Variants in FRYL observed in about 807,000 individuals in gnomAD.
The protein encoded by FRYL is FRY like transcription coactivator.
FRYL carries 150 observed loss-of-function variants against 351.2 expected under a neutral mutation model. The observed-to-expected ratio is 0.43, with a 90% CI of 0.37 to 0.49. The LOEUF (loss-of-function observed/expected upper bound fraction) is 0.49. Among genes scored for constraint, FRYL ranks in the 20% least tolerant of loss-of-function variants. The pLI, the probability that FRYL is intolerant of heterozygous loss-of-function variation, is 0.00. For missense variants in FRYL, 3,036 were observed against 3,619.3 expected, an observed-to-expected ratio of 0.84 and a Z score of 4.13; for synonymous variants, 1,153 against 1,257.1, an observed-to-expected ratio of 0.92 and a Z score of 1.75.
intron 1 of FRYL, among the ~76,000 whole-genome samples, chr4:48,716,788 C>G (rs1473432934): frequency 6.6e-6 from 1 of 151,440 alleles, no homozygotes; most frequent in African/African-American, 2.4e-5. Flanking sequence ...ACCCAAAGGA[C>G]TATAAATCAA....
chr4:48,528,821 A>G (rs1211337390), intron 50 of FRYL, among the ~76,000 whole-genome samples: 1 of 152,198 alleles, frequency 6.6e-6, no homozygotes, highest in African/African-American at 2.4e-5. Context: ...GAACACTTCT[A>G]TGTAGATTCT....
chr4:48,533,457 T>C (rs956462795), intron 49 of FRYL, among the ~76,000 whole-genome samples: 1 of 152,174 alleles, frequency 6.6e-6, no homozygotes, highest in African/African-American at 2.4e-5. Context: ...GTGGATTACA[T>C]AACTGAATCA....
chr4:48,547,371 T>C (rs1731592891), intron 41 of FRYL: 2 of 362,184 alleles, frequency 5.5e-6, no homozygotes, highest in South Asian at 1.1e-4. Context: ...TAAATCTCGA[T>C]AAAGATCGTT....
intron 1 of FRYL, among the ~76,000 whole-genome samples, chr4:48,776,178 G>A (rs1462885165): frequency 1.0e-4 from 15 of 149,116 alleles, no homozygotes; most frequent in Non-Finnish European, 1.9e-4. Flanking sequence ...AATAGAGTCA[G>A]AGTCTCCCTT....
intron 58 of FRYL, among the ~76,000 whole-genome samples, 166 bp from the exon 59 acceptor site, chr4:48,510,323 G>C (rs1187105729): frequency 6.6e-6 from 1 of 152,186 alleles, no homozygotes; most frequent in Non-Finnish European, 1.5e-5. Flanking sequence ...CTGGAACAGA[G>C]TAGGAGTGCA....
At chr4:48,711,045 T>C (rs1767938138) in intron 1 of FRYL, among the ~76,000 whole-genome samples, 1 of 152,196 alleles carries the variant, frequency 6.6e-6, no homozygotes, top group African/African-American at 2.4e-5. Flanking sequence ...TGCTACAACA[T>C]GGATGAATCC....
At chr4:48,508,730 G>A (rs951428495) in intron 59 of FRYL, among the ~76,000 whole-genome samples, 27 of 152,092 alleles carry the variant, frequency 1.8e-4, no homozygotes, top group African/African-American at 5.3e-4. Flanking sequence ...GAACGCCTCT[G>A]TTCTCCCCTA....
intron 1 of FRYL, among the ~76,000 whole-genome samples, chr4:48,750,062 A>G (rs1004422783): frequency 6.6e-6 from 1 of 151,456 alleles, no homozygotes; most frequent in African/African-American, 2.4e-5. Flanking sequence ...TCATCCCAAT[A>G]GTTCAAGGCT....
At chr4:48,729,498 A>G (rs1770487022) in intron 1 of FRYL, among the ~76,000 whole-genome samples, 1 of 152,128 alleles carries the variant, frequency 6.6e-6, no homozygotes, top group South Asian at 2.1e-4. Context: ...ACTGACAGAC[A>G]CCTCATACAG....
At chr4:48,574,184 GA>G (rs1407057906) in intron 25 of FRYL, among the ~76,000 whole-genome samples, 35 of 152,020 alleles carry the variant, frequency 2.3e-4, no homozygotes, top group Non-Finnish European at 4.1e-4. Flanking sequence ...GGGAAAATCT[GA>G]AAAAACATAA....
chr4:48,774,818 T>C (rs1220267779), intron 1 of FRYL, among the ~76,000 whole-genome samples: 1 of 152,212 alleles, frequency 6.6e-6, no homozygotes. Flanking sequence ...GTGCCGGGAT[T>C]ACAGGCGTGA....
chr4:48,551,343 A>C (rs1309765730), intron 37 of FRYL, 151 bp downstream of exon 37: 11 of 514,666 alleles, frequency 2.1e-5, no homozygotes, highest in Non-Finnish European at 6.7e-6. Flanking sequence ...GAAACTCTCA[A>C]TGTGGAAAGT....
chr4:48,658,801 A>AAAGTTGCTTTT (rs1759817915), intron 3 of FRYL, among the ~76,000 whole-genome samples: 2 of 151,850 alleles, frequency 1.3e-5, no homozygotes, highest in Non-Finnish European at 2.9e-5. Flanking sequence ...AGGTAGAAGG[A>AAAGTTGCTTTT]AAGTTGCTTT....
chr4:48,581,745 T>C (rs1286596274), intron 20 of FRYL, 140 bp from the exon 21 acceptor site: 1 of 650,692 alleles, frequency 1.5e-6, no homozygotes, highest in Non-Finnish European at 2.6e-6. Flanking sequence ...ATCGCATGTA[T>C]TTTATAAAAA....
rs1352452659 is a variant in FRYL at position 48,521,147 on chromosome 4, A to G, written c.7590T>C (p.Asp2530=). ...CCTCTGTTGTGATGCTGCCAGTGGAATCTTCAGACTGGAGAAGTAAGTCAG... is the reference window on the plus strand; with the variant it reads ...CCTCTGTTGTGATGCTGCCAGTGGAGTCTTCAGACTGGAGAAGTAAGTCAG... ...DHPDLLLQSE[D]STGSITTEEV... Residue 2530 remains aspartate (D), a synonymous_variant, in exon 55 of 64, where the codon GAT becomes GAC. Transcript: ENST00000358350. The G allele has an allele frequency of 6.2e-7, 1 of 1,613,610 alleles. No individual in the cohort carries two copies. Among genetic ancestry groups the G allele is most frequent in the South Asian group, 1.1e-5 (1 of 91,022 alleles).
chr4:48,669,658 CATTA>C (rs768883046), intron 3 of FRYL, among the ~76,000 whole-genome samples: 202 of 145,770 alleles, frequency 1.4e-3, no homozygotes, highest in Admixed American at 2.5e-3. Context: ...TTATATATCT[CATTA>C]ATTATGTATA....
chr4:48,599,885 A>G (rs1745350357), intron 13 of FRYL, among the ~76,000 whole-genome samples: 1 of 152,184 alleles, frequency 6.6e-6, no homozygotes, highest in Non-Finnish European at 1.5e-5. Flanking sequence ...AGGCGGGTGA[A>G]TAACTTGAGG....
chr4:48,564,879 C>T (rs1736415876), intron 30 of FRYL, 54 bp downstream of exon 30: 1 of 971,532 alleles, frequency 1.0e-6, no homozygotes, highest in Non-Finnish European at 1.6e-6. Context: ...ACATTAACTG[C>T]AAATAATACA....
intron 3 of FRYL, among the ~76,000 whole-genome samples, chr4:48,639,524 C>T (rs1754920932): frequency 6.6e-6 from 1 of 151,542 alleles, no homozygotes; most frequent in Non-Finnish European, 1.5e-5. Flanking sequence ...ATACCTTCTG[C>T]AAAAATTAAC....
Sources: gnomAD v4.1 joint callset for allele counts (sites outside exome capture counted in the v4.1 genomes callset) on GRCh38, gnomAD v4.1.1 for gene constraint, MANE v1.5 for transcripts, NCBI Gene and HGNC (gene_info 2026-07-23, HGNC 2026-07-21) for gene names.